Variants in PRKCB observed in about 807,000 individuals in gnomAD.
PRKCB encodes protein kinase C beta type.
In PRKCB, 13 loss-of-function variants were observed where a neutral mutation model predicts 81.5. The observed-to-expected ratio is 0.16, with a 90% CI of 0.10 to 0.25. The LOEUF is 0.25. PRKCB is among the 10% of genes least tolerant of loss of function. The pLI, the probability that PRKCB is intolerant of heterozygous loss-of-function variation, is 1.00. For synonymous variants in PRKCB, 335 were observed against 321.4 expected, an observed-to-expected ratio of 1.04 and a Z score of -0.45; for missense variants, 509 against 875.7, an observed-to-expected ratio of 0.58 and a Z score of 5.29.
Position 23,875,527 on chromosome 16 carries a change from G to GTA in PRKCB, c.205+38122_205+38123insAT, listed in dbSNP as rs144795736. ...TATATGATGTATATCACACACATAT[G>GTA]TGTATATCACACACATATGTATGTA... On this transcript the variant is annotated intron_variant, in intron 2 of 16. Coordinates refer to ENST00000643927, the MANE Select transcript of PRKCB (RefSeq NM_002738.7). Among the ~76,000 whole-genome samples the GTA allele has an allele frequency of 3.6e-3, 431 of 121,024 alleles. 24 individuals are homozygous for GTA. Among genetic ancestry groups the GTA allele is most frequent in the South Asian group, 9.6e-3 (30 of 3,116 alleles). The allele number at this position is 121,024 out of a possible 152,430, so 79.4% of individuals were successfully genotyped here. A position where few individuals can be genotyped will look rare whatever the true frequency, so the allele number is the denominator to read the frequency against.
rs1171036607 is a variant in PRKCB at position 23,905,032 on chromosome 16, C to CT, written c.205+67635dup. Among the ~76,000 whole-genome samples the CT allele has an allele frequency of 7.2e-5, 9 of 125,550 alleles. No homozygotes were observed. The East Asian group carries it at 9.5e-4, about 13-fold the overall frequency. The allele number at this position is 125,550 out of a possible 152,430, so 82.4% of individuals were successfully genotyped here. A position where few individuals can be genotyped will look rare whatever the true frequency, so the allele number is the denominator to read the frequency against. ...CTACATTTCTTTCTTTGCATTGGTCCTTTTTTTTTCTTTTTTTTTTTTTTA... is the reference window on the plus strand; with the variant it reads ...CTACATTTCTTTCTTTGCATTGGTCCTTTTTTTTTTCTTTTTTTTTTTTTTA... On this transcript the variant is annotated intron_variant, in intron 2 of 16. Transcript: ENST00000643927.
chr16:24,174,043 C>G (rs1967488740), intron 11 of PRKCB, among the ~76,000 whole-genome samples: 1 of 152,110 alleles, frequency 6.6e-6, no homozygotes, highest in African/African-American at 2.4e-5. Flanking sequence ...GGGTCTCACT[C>G]TGTTGCTCAG....
At chr16:24,094,871 A>C (rs1966421139) in intron 7 of PRKCB, among the ~76,000 whole-genome samples, 2 of 149,972 alleles carry the variant, frequency 1.3e-5, no homozygotes, top group Non-Finnish European at 3.0e-5. Flanking sequence ...AAAAAGGGAA[A>C]GGGAAAGGAA....
At chr16:23,962,037 A>G (rs34766287) in intron 2 of PRKCB, among the ~76,000 whole-genome samples, 11,440 of 152,074 alleles carry the variant, frequency 0.075, 476 homozygotes, top group Middle Eastern at 0.13. Context: ...AAAACAACAG[A>G]TGTTCATACT....
At position 24,187,078 on chromosome 16, in the gene PRKCB, T is replaced by C. The variant is rs577620821; in HGVS notation, c.1722+1511T>C. The stretch of plus-strand genomic sequence containing the variant: ...CAAGTTATTGAAGGGTGGGGGCGGG[T>C]AGAGAGAAGGTGGTACCTGGAGCTT... On this transcript the variant is annotated intron_variant, in intron 15 of 16. Transcript: ENST00000643927. Among the ~76,000 whole-genome samples, 35 of 152,044 alleles carry C rather than the reference T, an allele frequency of 2.3e-4. 2 individuals are homozygous for C. The highest frequency in any genetic ancestry group is 6.8e-3 in the Middle Eastern group (2 of 294).
chr16:24,185,188 G>A lies in PRKCB; in HGVS notation c.1611G>A (p.Gly537=). ...TCCTGCTGTATGAAATGTTGGCTGG[G>A]CAGGTAATTGAATTTTAAGTGATCG... ...FGVLLYEMLA[G]QAPFEGEDED... The change falls in exon 14 of 17, where the codon GGG becomes GGA. Residue 537 remains glycine, a synonymous_variant. Coordinates refer to ENST00000643927, the MANE Select transcript of PRKCB (RefSeq NM_002738.7). The A allele has an allele frequency of 1.2e-6, 2 of 1,613,492 alleles. No homozygotes were observed. The highest frequency in any genetic ancestry group is 1.7e-6 in the Non-Finnish European group (2 of 1,179,658).
At chr16:23,954,678 G>A (rs1000715618) in intron 2 of PRKCB, among the ~76,000 whole-genome samples, 6 of 152,210 alleles carry the variant, frequency 3.9e-5, no homozygotes, top group African/African-American at 1.4e-4. Flanking sequence ...TACTGGGCTG[G>A]TTTCTTAACT....
intron 2 of PRKCB, among the ~76,000 whole-genome samples, chr16:23,858,653 C>T (rs889719508): frequency 1.3e-5 from 2 of 151,946 alleles, no homozygotes; most frequent in East Asian, 1.9e-4. Flanking sequence ...TCATTGGCCA[C>T]GTGATCACAG....
In PRKCB at chr16:23,990,312, G is replaced by A. The variant is rs561166986; in HGVS notation, c.288+1722G>A. On this transcript the variant is annotated intron_variant, in intron 3 of 16. Coordinates refer to ENST00000643927, the MANE Select transcript of PRKCB (RefSeq NM_002738.7). Reference sequence around the variant, plus strand: ...TCTCTACTAAAAATACAAAAAATTAGCCAGGCATGGTGGTGGGCGCCTGTA... The same window carrying A: ...TCTCTACTAAAAATACAAAAAATTAACCAGGCATGGTGGTGGGCGCCTGTA... Among the ~76,000 whole-genome samples the A allele has an allele frequency of 2.0e-4, 30 of 151,928 alleles. 1 individual carries two copies. The South Asian group carries it at 6.0e-3, about 31-fold the overall frequency.
intron 10 of PRKCB, among the ~76,000 whole-genome samples, chr16:24,168,771 C>A (rs1043920961): frequency 2.1e-5 from 3 of 143,476 alleles, no homozygotes; most frequent in African/African-American, 7.8e-5. Flanking sequence ...GTTCCCCAGG[C>A]TGTTCTCAAA....
intron 9 of PRKCB, among the ~76,000 whole-genome samples, chr16:24,140,193 C>T (rs16973283): frequency 0.064 from 9,766 of 152,212 alleles, 1,073 homozygotes; most frequent in African/African-American, 0.22. Context: ...ACATTTCATC[C>T]GAAGTCTGAC....
intron 5 of PRKCB, 39 bp from the exon 6 acceptor site, chr16:24,092,752 T>G (rs1377730078): frequency 6.3e-7 from 1 of 1,588,310 alleles, no homozygotes; most frequent in Non-Finnish European, 8.6e-7. Context: ...TTAAACATGT[T>G]GGACAGTATT....
chr16:24,083,270 T>C (rs1352485808), intron 5 of PRKCB, among the ~76,000 whole-genome samples: 1 of 152,194 alleles, frequency 6.6e-6, no homozygotes, highest in Non-Finnish European at 1.5e-5. Context: ...GTACAGCTGC[T>C]CCGGGAAAGT....
chr16:24,003,983 T>G (rs1965077980), intron 3 of PRKCB, among the ~76,000 whole-genome samples: 1 of 152,138 alleles, frequency 6.6e-6, no homozygotes, highest in South Asian at 2.1e-4. Flanking sequence ...CCAAATAAAA[T>G]AGTGAATGCT....
intron 5 of PRKCB, among the ~76,000 whole-genome samples, chr16:24,069,805 G>A (rs1479097478): frequency 6.6e-6 from 1 of 152,190 alleles, no homozygotes; most frequent in Non-Finnish European, 1.5e-5. Context: ...AGTTGTCATT[G>A]TTATTGTCAT....
At chr16:23,958,628 G>A (rs556184654) in intron 2 of PRKCB, among the ~76,000 whole-genome samples, 1 of 152,010 alleles carries the variant, frequency 6.6e-6, no homozygotes, top group Non-Finnish European at 1.5e-5. Context: ...ACTTAGCACG[G>A]CACTTGGCAC....
At position 23,930,928 on chromosome 16, in the gene PRKCB, A is replaced by G. The variant is rs111831674; in HGVS notation, c.206-57580A>G. On this transcript the variant is annotated intron_variant, in intron 2 of 16. Transcript: ENST00000643927. ...AACCTGAAGCTCACAGAGGTTGATG[A>G]CTTGCCTAGGATCGCTCAGAAAGCA... is the stretch of plus-strand genomic sequence containing the variant. Among the ~76,000 whole-genome samples the G allele has an allele frequency of 1.1e-3, 161 of 152,358 alleles. 1 individual carries two copies. The highest frequency in any genetic ancestry group is 3.6e-3 in the African/African-American group (150 of 41,588).
At chr16:24,209,452 G>A (rs1324599535) in intron 16 of PRKCB, among the ~76,000 whole-genome samples, 3 of 152,014 alleles carry the variant, frequency 2.0e-5, no homozygotes, top group Non-Finnish European at 4.4e-5. Context: ...GTGTCCTCTG[G>A]AATTTTGAAC....
intron 5 of PRKCB, among the ~76,000 whole-genome samples, chr16:24,074,118 G>A (rs1159442692): frequency 6.6e-6 from 1 of 151,030 alleles, no homozygotes; most frequent in African/African-American, 2.4e-5. Flanking sequence ...CTGGGTGACA[G>A]AGCAAGACTC....
Sources: gnomAD v4.1 joint callset for allele counts (sites outside exome capture counted in the v4.1 genomes callset) on GRCh38, gnomAD v4.1.1 for gene constraint, MANE v1.5 for transcripts, NCBI Gene and HGNC (gene_info 2026-07-23, HGNC 2026-07-21) for gene names.